DST: variants seen among roughly 807,000 people sequenced by gnomAD.
DST encodes dystonin.
A neutral mutation model predicts 875.2 loss-of-function variants in DST; 253 were observed. The observed-to-expected ratio is 0.29, with a 90% CI of 0.26 to 0.32. The LOEUF (loss-of-function observed/expected upper bound fraction) is 0.32. Ranked by LOEUF, DST falls within the 10% of genes least tolerant of loss-of-function variation. The pLI is 1.00. For missense variants in DST, 8,287 were observed against 9,111.6 expected, an observed-to-expected ratio of 0.91 and a Z score of 3.68; for synonymous variants, 3,124 against 3,197.1, an observed-to-expected ratio of 0.98 and a Z score of 0.77.
chr6:56,844,506 T>C (rs1181237876), intron 4 of DST, among the ~76,000 whole-genome samples: 2 of 152,212 alleles, frequency 1.3e-5, no homozygotes, highest in Non-Finnish European at 2.9e-5. Context: ...ATGTGTATCA[T>C]ATACTAAAGT....
At chr6:56,687,139 C>A (rs1563680093) in intron 9 of DST, among the ~76,000 whole-genome samples, 1 of 152,192 alleles carries the variant, frequency 6.6e-6, no homozygotes, top group South Asian at 2.1e-4. Flanking sequence ...GTCAAATGTT[C>A]TTCTGTGCAG....
intron 29 of DST, 111 bp downstream of exon 29, chr6:56,631,772 C>T: frequency 8.3e-6 from 8 of 968,544 alleles, no homozygotes; most frequent in Non-Finnish European, 1.2e-5. Flanking sequence ...TCACCTCACA[C>T]TAGACTGGCT....
intron 4 of DST, among the ~76,000 whole-genome samples, chr6:56,770,493 A>T (rs1482870553): frequency 6.6e-6 from 1 of 152,202 alleles, no homozygotes; most frequent in Non-Finnish European, 1.5e-5. Context: ...TAAAACGCAG[A>T]GTGTGGGATG....
chr6:56,472,059 C>G lies in DST; in HGVS notation c.22158G>C (p.Glu7386Asp). The change falls in exon 94 of 104, where the codon GAG (glutamate) becomes GAC (aspartate). Residue 7386 changes from glutamate to aspartate, a missense_variant and splice_region_variant. Coordinates refer to ENST00000680361, the MANE Select transcript of DST (RefSeq NM_001374736.1). ...GTGTTGAGGGTATGAATTTCCAAAC[C>G]TCCTCTAGTCTGTCCAAGGCATCAT... The part of the protein sequence containing the change: ...KLNDALDRLE[E>D]LREFANFDFD... 1 of 1,613,824 alleles carries G rather than the reference C, an allele frequency of 6.2e-7. No homozygotes were observed. Among genetic ancestry groups the G allele is most frequent in the Non-Finnish European group, 8.5e-7 (1 of 1,179,784 alleles).
chr6:56,732,501 C>CA (rs1258135588), intron 5 of DST, among the ~76,000 whole-genome samples: 2 of 151,366 alleles, frequency 1.3e-5, no homozygotes, highest in Non-Finnish European at 2.9e-5. Context: ...TTGAAATAAG[C>CA]AAAAAACAAC....
chr6:56,847,036 G>C (rs886410488), intron 4 of DST, among the ~76,000 whole-genome samples: 3 of 149,958 alleles, frequency 2.0e-5, no homozygotes, highest in African/African-American at 7.4e-5. Flanking sequence ...AGTGAAGTTG[G>C]CCAGGCCCTG....
intron 9 of DST, among the ~76,000 whole-genome samples, chr6:56,686,268 AG>A (rs539055655): frequency 1.2e-3 from 185 of 152,358 alleles, no homozygotes; most frequent in African/African-American, 4.2e-3. Context: ...ACAGATACAG[AG>A]ACGGAACAAT....
intron 36 of DST, chr6:56,618,813 G>T (rs142001477): frequency 1.2e-6 from 2 of 1,614,066 alleles, no homozygotes; most frequent in Non-Finnish European, 1.7e-6. Flanking sequence ...GATTCTTCCT[G>T]AAACAGAACC....
At chr6:56,938,108 C>CTCTCTCTATATATATA (rs1383243392) in intron 2 of DST, among the ~76,000 whole-genome samples, 21 of 120,744 alleles carry the variant, frequency 1.7e-4, no homozygotes, top group African/African-American at 7.3e-4. Context: ...CTCTCTCTCT[C>CTCTCTCTATATATATA]TATATATATA....
intron 1 of DST, among the ~76,000 whole-genome samples, chr6:56,954,150 G>A (rs1481090364): frequency 2.0e-5 from 3 of 152,232 alleles, no homozygotes; most frequent in African/African-American, 7.2e-5. Context: ...TAAGGCTTTA[G>A]CAAACTGACT....
intron 53 of DST, among the ~76,000 whole-genome samples, chr6:56,571,000 C>T (rs1198590580): frequency 6.6e-6 from 1 of 152,172 alleles, no homozygotes; most frequent in African/African-American, 2.4e-5. Context: ...TGCAGGTAGT[C>T]CAGATTCAAG....
At chr6:56,723,265 T>G (rs1443662746) in intron 5 of DST, among the ~76,000 whole-genome samples, 1 of 152,148 alleles carries the variant, frequency 6.6e-6, no homozygotes, top group African/African-American at 2.4e-5. Flanking sequence ...ATAATTGACC[T>G]ATAAGAAGGG....
rs1217868220 is a variant in DST, at chr6:56,625,262, G to A, written c.4725C>T (p.Asp1575=). ...GGTAGGTCATTGTTTGTAATTCATA[G>A]TCCTGTATAAAGGAGTCAATAAGAT... ...YAEQYSATVK[D]YELQTMTYRA... Residue 1575 remains aspartate (D), a splice_region_variant and synonymous_variant, in exon 35 of 104, where the codon GAC becomes GAT. Coordinates refer to ENST00000680361, the MANE Select transcript of DST (RefSeq NM_001374736.1). 6.2e-7 allele frequency: 1 copy of A among 1,603,626 alleles called. No individual in the cohort carries two copies. The highest frequency in any genetic ancestry group is 1.7e-5 in the Admixed American group (1 of 59,980).
chr6:56,504,105 G>C lies in DST; in HGVS notation c.19465-7C>G, dbSNP rs556321282. ...CTACCCAGTCAAATACCGCCTGAAA[G>C]ACACATTCGCCCACGTGTTGTTACA... is the stretch of plus-strand genomic sequence containing the variant. On this transcript the variant is annotated splice_polypyrimidine_tract_variant and splice_region_variant and intron_variant, in intron 77 of 103. Coordinates refer to ENST00000680361, the MANE Select transcript of DST (RefSeq NM_001374736.1). The C allele has an allele frequency of 3.8e-6, 6 of 1,597,464 alleles. No individual in the cohort carries two copies. The African/African-American group carries it at 6.7e-5, about 18-fold the overall frequency.
intron 5 of DST, among the ~76,000 whole-genome samples, chr6:56,712,538 A>C (rs73746931): frequency 0.073 from 11,092 of 152,224 alleles, 1,315 homozygotes; most frequent in African/African-American, 0.25. Flanking sequence ...ACGAAGTAGA[A>C]TGCTATTATA....
chr6:56,622,214 A>G (rs986013104), intron 36 of DST, among the ~76,000 whole-genome samples: 1 of 152,204 alleles, frequency 6.6e-6, no homozygotes, highest in Non-Finnish European at 1.5e-5. Flanking sequence ...GAAAAACTAA[A>G]AATTCCCTCA....
rs751789576 is a variant in DST, at chr6:56,606,513, T to C, written c.8115A>G (p.Lys2705=). 1.2e-5 allele frequency: 19 copies of C among 1,613,314 alleles called. No homozygotes were observed. Among genetic ancestry groups the C allele is most frequent in the Non-Finnish European group, 1.6e-5 (19 of 1,179,572 alleles). The change falls in exon 40 of 104, where the codon AAA becomes AAG. Residue 2705 remains lysine (K), a synonymous_variant. Transcript: ENST00000680361. ...CTGAGCCAACAGGATTTAAATGTAT[T>C]TTTTCACCAGAATCTAATTCATCTT... ...VEKDELDSGE[K]IHLNPVGSDK...
intron 52 of DST, among the ~76,000 whole-genome samples, chr6:56,572,531 A>G (rs960812066): frequency 6.6e-6 from 1 of 152,234 alleles, no homozygotes; most frequent in African/African-American, 2.4e-5. Context: ...TATACTACCT[A>G]TGATACATGT....
chr6:56,607,515 AT>A lies in DST; in HGVS notation c.7112del (p.Asn2371IlefsTer27), dbSNP rs1563149142. ...GTTCATTTGTTTCCACTCGGCTTTGATTTTCATAGTTTGTAAGTATGTTTTC... is the reference window on the plus strand; with the variant it reads ...GTTCATTTGTTTCCACTCGGCTTTGATTTCATAGTTTGTAAGTATGTTTTC... ...DSENILTNYENQSRVETNERA... is the reference protein window; with the variant it reads ...DSENILTNYEXQSRVETNERA... On this transcript the variant is annotated frameshift_variant, in exon 40 of 104. Transcript: ENST00000680361. LOFTEE classifies it high-confidence loss of function. 1 of 1,600,712 alleles carries A rather than the reference AT, an allele frequency of 6.2e-7. No homozygotes were observed. The highest frequency in any genetic ancestry group is 1.7e-5 in the Admixed American group (1 of 57,726).
Sources: allele counts gnomAD v4.1 joint callset (sites outside exome capture counted in the v4.1 genomes callset), GRCh38; gene constraint gnomAD v4.1.1; transcripts MANE v1.5; gene names NCBI Gene and HGNC (gene_info 2026-07-23, HGNC 2026-07-21).